The following JMJD1C variants were observed in gnomAD, a reference collection of about 807,000 sequenced individuals.
JMJD1C encodes jumonji domain containing 1C.
A neutral mutation model predicts 245.3 loss-of-function variants in JMJD1C; 31 were observed. That is an observed-to-expected ratio of 0.13 (90% CI 0.09 to 0.17). JMJD1C has a LOEUF of 0.17. JMJD1C is among the 10% of genes least tolerant of loss of function. The pLI, the probability that JMJD1C is intolerant of heterozygous loss-of-function variation, is 1.00. For synonymous variants in JMJD1C, 1,057 were observed against 1,017.4 expected, an observed-to-expected ratio of 1.04 and a Z score of -0.74; for missense variants, 2,691 against 3,000.2, an observed-to-expected ratio of 0.90 and a Z score of 2.41.
intron 1 of JMJD1C, among the ~76,000 whole-genome samples, chr10:63,433,213 C>G (rs1293201161): frequency 3.3e-5 from 5 of 152,032 alleles, no homozygotes; most frequent in Admixed American, 3.3e-4. Context: ...TCTCCTGCCT[C>G]AGCCTCCCGA....
intron 3 of JMJD1C, among the ~76,000 whole-genome samples, chr10:63,257,595 CCAAA>C (rs1309513097): frequency 6.6e-6 from 1 of 152,072 alleles, no homozygotes; most frequent in Non-Finnish European, 1.5e-5. Context: ...CTTCCCAGAG[CCAAA>C]CAAAGAAAAA....
intron 22 of JMJD1C, among the ~76,000 whole-genome samples, chr10:63,180,204 T>C (rs1271096540): frequency 6.6e-6 from 1 of 152,108 alleles, no homozygotes; most frequent in Non-Finnish European, 1.5e-5. Flanking sequence ...CAGATGGGGT[T>C]TCACTATATG....
At chr10:63,452,661 G>C (rs1589775337) in intron 1 of JMJD1C, among the ~76,000 whole-genome samples, 2 of 152,148 alleles carry the variant, frequency 1.3e-5, no homozygotes, top group East Asian at 3.9e-4. Flanking sequence ...ATAGCCAAAA[G>C]GTAGAAGCAA....
chr10:63,299,705 A>C (rs962686117), intron 2 of JMJD1C, among the ~76,000 whole-genome samples: 2 of 152,122 alleles, frequency 1.3e-5, no homozygotes, highest in Non-Finnish European at 2.9e-5. Flanking sequence ...CAAAAACATA[A>C]AAACGATTTG....
At chr10:63,467,520 A>G (rs887789952), upstream of JMJD1C, among the ~76,000 whole-genome samples, 11 of 152,244 alleles carry the variant, frequency 7.2e-5, no homozygotes, top group Non-Finnish European at 2.9e-5. Flanking sequence ...CCGAAAACAA[A>G]CAAACAAACA....
intron 1 of JMJD1C, among the ~76,000 whole-genome samples, chr10:63,393,455 C>T (rs1948238302): frequency 6.6e-6 from 1 of 152,052 alleles, no homozygotes; most frequent in African/African-American, 2.4e-5. Context: ...TAAATTAGTA[C>T]AGTCATTAGG....
rs963689397 is a variant in JMJD1C at position 63,465,807 on chromosome 10, G to A, written c.-145C>T. 3.2e-6 allele frequency: 3 copies of A among 948,392 alleles called. No individual in the cohort carries two copies. Among genetic ancestry groups the A allele is most frequent in the African/African-American group, 1.6e-5 (1 of 62,344 alleles). 58.7% of individuals were successfully genotyped at this position (948,392 alleles called of 1,614,324 possible). ...AGCGCAGACTCGGGACGAACCGGCC[G>A]CTCTGCCCCGGACACAGCGACCTCG... On this transcript the variant is annotated 5_prime_UTR_variant, in exon 1 of 26. Transcript: ENST00000399262.
At chr10:63,421,599 C>T in intron 1 of JMJD1C, among the ~76,000 whole-genome samples, 1 of 152,090 alleles carries the variant, frequency 6.6e-6, no homozygotes, top group East Asian at 1.9e-4. Context: ...TGTGCTCCTT[C>T]CCCCCAATTA....
Position 63,215,670 on chromosome 10 carries a change from AG to A in JMJD1C, c.704del (p.Pro235LeufsTer6). The stretch of plus-strand genomic sequence containing the variant: ...CTAGAAAGGTCATTTGAACCATAGA[AG>A]GATCGACATTCTGTGGTTCTAGTAC... ...DQVLEPQNVD[P>X]SMVQMTFLDD... is the part of the protein sequence containing the mutation. On this transcript the variant is annotated frameshift_variant, in exon 6 of 26. Transcript: ENST00000399262. LOFTEE classifies it high-confidence loss of function. The A allele has an allele frequency of 6.3e-7, 1 of 1,595,190 alleles. No individual in the cohort carries two copies. The highest frequency in any genetic ancestry group is 8.6e-7 in the Non-Finnish European group (1 of 1,165,538).
chr10:63,277,489 T>C (rs529844969), intron 2 of JMJD1C, among the ~76,000 whole-genome samples: 4 of 152,278 alleles, frequency 2.6e-5, no homozygotes. Context: ...TATAGATGGG[T>C]AAATTTCTTT....
In JMJD1C at chr10:63,299,104, C is replaced by T. The variant is rs117347890; in HGVS notation, c.334-34340G>A. On this transcript the variant is annotated intron_variant, in intron 2 of 25. Transcript: ENST00000399262. ...ATAAACATTATTACTAAGTCTATAT[C>T]AAACACCATGTAGAAACTGTATAAT... is the stretch of plus-strand genomic sequence containing the variant. Among the ~76,000 whole-genome samples the T allele has an allele frequency of 2.6e-3, 401 of 152,268 alleles. 2 individuals carry two copies. Among genetic ancestry groups the T allele is most frequent in the Non-Finnish European group, 4.9e-3 (331 of 68,022 alleles).
chr10:63,471,918 G>A (rs1397022569), intron 1 of JMJD1C, among the ~76,000 whole-genome samples: 1 of 152,074 alleles, frequency 6.6e-6, no homozygotes, highest in African/African-American at 2.4e-5. Flanking sequence ...CATGGCTGTA[G>A]TGCCAACTAC....
intron 3 of JMJD1C, among the ~76,000 whole-genome samples, chr10:63,260,746 C>CA (rs1403425754): frequency 3.9e-4 from 14 of 36,244 alleles, no homozygotes; most frequent in South Asian, 6.0e-4. Context: ...CCCGCCACCA[C>CA]GCCGGTTAAT....
At chr10:63,386,769 C>A (rs891205171) in intron 1 of JMJD1C, among the ~76,000 whole-genome samples, 1 of 152,168 alleles carries the variant, frequency 6.6e-6, no homozygotes, top group African/African-American at 2.4e-5. Context: ...ATCAACTATG[C>A]CACGCCTACC....
At chr10:63,310,059 T>G (rs1449137039) in intron 2 of JMJD1C, among the ~76,000 whole-genome samples, 1 of 152,220 alleles carries the variant, frequency 6.6e-6, no homozygotes, top group Non-Finnish European at 1.5e-5. Flanking sequence ...TTACTCATAA[T>G]AGCAATAACC....
chr10:63,304,185 A>C (rs1437466367), intron 2 of JMJD1C, among the ~76,000 whole-genome samples: 1 of 152,246 alleles, frequency 6.6e-6, no homozygotes, highest in Non-Finnish European at 1.5e-5. Flanking sequence ...AAATGGGACC[A>C]AAGACTCAAA....
chr10:63,352,733 T>C (rs993885720), intron 2 of JMJD1C, among the ~76,000 whole-genome samples: 1 of 152,024 alleles, frequency 6.6e-6, no homozygotes, highest in African/African-American at 2.4e-5. Context: ...TAATATACAG[T>C]TGACCGCTGA....
Position 63,330,239 on chromosome 10 carries a change from T to C in JMJD1C, c.333+50079A>G, listed in dbSNP as rs377333897. 7.2e-5 allele frequency among the ~76,000 whole-genome samples: 11 copies of C among 152,286 alleles called. No individual in the cohort carries two copies. In the South Asian group the frequency reaches 2.3e-3, roughly 32 times the overall value. The stretch of plus-strand genomic sequence containing the variant: ...AAAGGTAGGCTACACTAAGCTATGA[T>C]GTTTGGTAGGTTAAGTGTACTAAAT... On this transcript the variant is annotated intron_variant, in intron 2 of 25. Transcript: ENST00000399262.
chr10:63,276,884 C>CTGTTTTT (rs1856826327), intron 2 of JMJD1C, among the ~76,000 whole-genome samples: 1 of 96,254 alleles, frequency 1.0e-5, no homozygotes, highest in Non-Finnish European at 1.9e-5. Flanking sequence ...AAGCTTGGGG[C>CTGTTTTT]TTTTTTTTTT....
Sources: gnomAD v4.1 joint callset for allele counts (sites outside exome capture counted in the v4.1 genomes callset) on GRCh38, gnomAD v4.1.1 for gene constraint, MANE v1.5 for transcripts, NCBI Gene and HGNC (gene_info 2026-07-23, HGNC 2026-07-21) for gene names.